EPB41L3: variants seen among roughly 807,000 people sequenced by gnomAD.
EPB41L3 encodes the protein band 4.1-like protein 3.
EPB41L3 carries 57 observed loss-of-function variants against 127.1 expected under a neutral mutation model. The observed-to-expected ratio is 0.45, with a 90% CI of 0.36 to 0.56. The LOEUF is 0.56. Among genes scored for constraint, EPB41L3 ranks in the 20% least tolerant of loss-of-function variants. The pLI is 0.00. For missense variants in EPB41L3, 1,273 were observed against 1,372.2 expected (o/e 0.93, Z 1.14); for synonymous variants, 572 against 549.5 (o/e 1.04, Z -0.57).
chr18:5,480,043 A>G (rs1401280682), intron 2 of EPB41L3: 3 of 152,218 alleles, frequency 2.0e-5, no homozygotes, highest in African/African-American at 4.8e-5. Flanking sequence ...ATTAGAAGCT[A>G]TTAATACATT....
At chr18:5,450,760 A>G (rs942998179) in intron 3 of EPB41L3, among the ~76,000 whole-genome samples, 14 of 152,304 alleles carry the variant, frequency 9.2e-5, no homozygotes, top group Admixed American at 2.6e-4. Context: ...TTCTCCACTT[A>G]TCTTGGTTTT....
intron 16 of EPB41L3, among the ~76,000 whole-genome samples, chr18:5,403,795 T>G (rs974773247): frequency 3.3e-5 from 5 of 152,280 alleles, no homozygotes; most frequent in African/African-American, 1.2e-4. Flanking sequence ...TGAAGTAGGC[T>G]TTATTATAAA....
intron 22 of EPB41L3, 84 bp downstream of exon 22, chr18:5,394,593 A>C (rs1180383661): frequency 2.1e-6 from 2 of 956,748 alleles, no homozygotes; most frequent in Admixed American, 2.0e-5. Flanking sequence ...AGAGGAAAGG[A>C]GGGATCAGGT....
intron 1 of EPB41L3, among the ~76,000 whole-genome samples, chr18:5,541,252 CAAAAAAAAAAA>C (rs370717420): frequency 2.1e-5 from 1 of 46,760 alleles, no homozygotes; most frequent in South Asian, 1.5e-3. Context: ...GACTCCATCT[CAAAAAAAAAAA>C]AAAAAAAAAA....
chr18:5,565,338 G>A (rs1352560730), intron 3 of EPB41L3, among the ~76,000 whole-genome samples: 1 of 152,136 alleles, frequency 6.6e-6, no homozygotes, highest in Non-Finnish European at 1.5e-5. Flanking sequence ...CTTGAACCCG[G>A]GAGGTGGAGG....
At chr18:5,617,320 AT>A (rs5822868) in intron 1 of EPB41L3, among the ~76,000 whole-genome samples, 50,249 of 125,316 alleles carry the variant, frequency 0.4, 9,260 homozygotes, top group African/African-American at 0.62. Context: ...TATTATTATT[AT>A]TTTTTTTTTT....
intron 1 of EPB41L3, among the ~76,000 whole-genome samples, chr18:5,523,104 C>A (rs1276793690): frequency 6.6e-6 from 1 of 152,160 alleles, no homozygotes; most frequent in East Asian, 1.9e-4. Flanking sequence ...CCATTAAAAT[C>A]TCCCATTAGA....
chr18:5,471,949 C>T (rs1033169764), intron 3 of EPB41L3, among the ~76,000 whole-genome samples: 7 of 152,084 alleles, frequency 4.6e-5, no homozygotes, highest in South Asian at 2.1e-4. Flanking sequence ...GACCATCGAA[C>T]GCACGTAGGC....
chr18:5,561,229 G>A (rs1010950781), intron 3 of EPB41L3, among the ~76,000 whole-genome samples: 25 of 151,984 alleles, frequency 1.6e-4, no homozygotes, highest in African/African-American at 2.7e-4. Context: ...CGCCCGCCTC[G>A]GCCTCCCAAA....
chr18:5,402,727 A>T (rs1330628741), intron 16 of EPB41L3, among the ~76,000 whole-genome samples: 1 of 152,234 alleles, frequency 6.6e-6, no homozygotes. Context: ...TCAGATATAT[A>T]GCCCAACCAT....
intron 3 of EPB41L3, among the ~76,000 whole-genome samples, chr18:5,587,451 T>C (rs916189869): frequency 6.6e-6 from 1 of 152,172 alleles, no homozygotes; most frequent in African/African-American, 2.4e-5. Flanking sequence ...GCCTAATTTA[T>C]AAACTAAACT....
At chr18:5,622,055 G>T (rs1368885742) in intron 1 of EPB41L3, among the ~76,000 whole-genome samples, 1 of 151,532 alleles carries the variant, frequency 6.6e-6, no homozygotes, top group Non-Finnish European at 1.5e-5. Context: ...TTTTGCTTTG[G>T]TTACTTTTTT....
At chr18:5,619,226 G>C (rs936341029) in intron 1 of EPB41L3, among the ~76,000 whole-genome samples, 3 of 152,076 alleles carry the variant, frequency 2.0e-5, no homozygotes, top group African/African-American at 7.2e-5. Context: ...AAGAAGAAGA[G>C]CACATTTCAC....
chr18:5,557,228 A>G (rs2094050001), intron 3 of EPB41L3, among the ~76,000 whole-genome samples: 1 of 152,250 alleles, frequency 6.6e-6, no homozygotes, highest in African/African-American at 2.4e-5. Flanking sequence ...AAGTGCAGGA[A>G]ATGGCATCTG....
intron 3 of EPB41L3, among the ~76,000 whole-genome samples, chr18:5,472,343 C>T (rs907750518): frequency 6.6e-6 from 1 of 152,172 alleles, no homozygotes; most frequent in Non-Finnish European, 1.5e-5. Context: ...AAAGTCCTTC[C>T]ATCCTCCAGA....
At chr18:5,453,585 A>G (rs1046069937) in intron 3 of EPB41L3, among the ~76,000 whole-genome samples, 15 of 152,198 alleles carry the variant, frequency 9.9e-5, no homozygotes, top group African/African-American at 2.9e-4. Flanking sequence ...TTCCAGCAAA[A>G]CTGATGCTTC....
At chr18:5,518,824 C>T (rs916107945) in intron 1 of EPB41L3, among the ~76,000 whole-genome samples, 1 of 152,060 alleles carries the variant, frequency 6.6e-6, no homozygotes, top group African/African-American at 2.4e-5. Flanking sequence ...AGAATGGGAC[C>T]GCAATGAACA....
intron 2 of EPB41L3, among the ~76,000 whole-genome samples, chr18:5,613,765 G>T (rs935333875): frequency 9.2e-5 from 14 of 152,092 alleles, no homozygotes; most frequent in Admixed American, 6.5e-4. Flanking sequence ...GCTAAGCTAG[G>T]CATTAAATAA....
intron 1 of EPB41L3, among the ~76,000 whole-genome samples, chr18:5,542,820 C>T (rs1391097240): frequency 6.6e-6 from 1 of 152,178 alleles, no homozygotes; most frequent in Non-Finnish European, 1.5e-5. Context: ...GTAACCACAC[C>T]CACCGCATTG....
Sources: allele counts gnomAD v4.1 joint callset (sites outside exome capture counted in the v4.1 genomes callset), GRCh38; gene constraint gnomAD v4.1.1; transcripts MANE v1.5; gene names NCBI Gene and HGNC (gene_info 2026-07-23, HGNC 2026-07-21).